Variants in ABCD3 observed in about 807,000 individuals in gnomAD.
ABCD3 encodes ATP-binding cassette sub-family D member 3.
In ABCD3, 41 loss-of-function variants were observed where a neutral mutation model predicts 105.5. That is an observed-to-expected ratio of 0.39 (90% CI 0.30 to 0.50). ABCD3 has a LOEUF of 0.50. Ranked by LOEUF, ABCD3 falls within the 20% of genes least tolerant of loss-of-function variation. ABCD3 has a pLI of 0.84. For synonymous variants in ABCD3, 258 were observed against 269.0 expected, an observed-to-expected ratio of 0.96 and a Z score of 0.40; for missense variants, 622 against 806.3, an observed-to-expected ratio of 0.77 and a Z score of 2.77.
chr1:94,472,607 C>T (rs1025644553), intron 4 of ABCD3, among the ~76,000 whole-genome samples: 1 of 152,120 alleles, frequency 6.6e-6, no homozygotes, highest in African/African-American at 2.4e-5. Flanking sequence ...AAACCCCTCT[C>T]AGAGAGTTAA....
chr1:94,484,341 CGTTTATT>C (rs1455221029), intron 10 of ABCD3, among the ~76,000 whole-genome samples: 1 of 152,142 alleles, frequency 6.6e-6, no homozygotes, highest in Non-Finnish European at 1.5e-5. Context: ...TGCACACATA[CGTTTATT>C]GTGGCACTAT....
At chr1:94,446,117 T>A (rs892696290) in intron 1 of ABCD3, among the ~76,000 whole-genome samples, 2 of 152,324 alleles carry the variant, frequency 1.3e-5, no homozygotes, top group South Asian at 4.1e-4. Context: ...CTGAAATATG[T>A]CCAAAATGTG....
chr1:94,412,757 G>A, the ABCD3 span, among the ~76,000 whole-genome samples: 1 of 152,302 alleles, frequency 6.6e-6, no homozygotes, highest in South Asian at 2.1e-4. Flanking sequence ...AAAAATTACA[G>A]TGTTACCACA....
the ABCD3 span, among the ~76,000 whole-genome samples, chr1:94,407,118 C>T: frequency 2.2e-4 from 33 of 152,034 alleles, no homozygotes; most frequent in African/African-American, 7.7e-4. Context: ...TTAGGGAGAA[C>T]TGACATACTG....
At chr1:94,486,624 G>A (rs1463367368) in intron 10 of ABCD3, among the ~76,000 whole-genome samples, 2 of 152,148 alleles carry the variant, frequency 1.3e-5, no homozygotes, top group Admixed American at 6.5e-5. Flanking sequence ...GAATTCGGTG[G>A]CCAAAAATGA....
intron 10 of ABCD3, 58 bp downstream of exon 10, chr1:94,483,297 G>C (rs1241632284): frequency 3.7e-6 from 5 of 1,352,448 alleles, no homozygotes; most frequent in Non-Finnish European, 5.3e-6. Context: ...TTGTTTGTTT[G>C]TTTTGCCTAT....
chr1:94,497,624 GA>G (rs1649885573), intron 16 of ABCD3, among the ~76,000 whole-genome samples: 1 of 152,166 alleles, frequency 6.6e-6, no homozygotes, highest in African/African-American at 2.4e-5. Flanking sequence ...ATAATTTAGT[GA>G]CACTTGTATA....
intron 1 of ABCD3, chr1:94,432,609 A>G (rs1237708999): frequency 6.6e-6 from 1 of 152,082 alleles, no homozygotes; most frequent in African/African-American, 2.4e-5. Flanking sequence ...TAAAAATGGT[A>G]TCTAATTATG....
At chr1:94,510,571 A>T (rs1380312091) in intron 21 of ABCD3, among the ~76,000 whole-genome samples, 7 of 151,936 alleles carry the variant, frequency 4.6e-5, no homozygotes, top group Non-Finnish European at 1.0e-4. Flanking sequence ...TGTTGATCTG[A>T]CTAATGTTGA....
Position 94,506,533 on chromosome 1 carries a change from T to C in ABCD3, c.1741-5T>C, listed in dbSNP as rs760267175. 1 of 1,609,508 alleles carries C rather than the reference T, an allele frequency of 6.2e-7. No individual in the cohort carries two copies. The highest frequency in any genetic ancestry group is 8.5e-7 in the Non-Finnish European group (1 of 1,176,550). On this transcript the variant is annotated splice_polypyrimidine_tract_variant and splice_region_variant and intron_variant, in intron 20 of 22. Coordinates refer to ENST00000370214, the MANE Select transcript of ABCD3 (RefSeq NM_002858.4). ...TTTACACAAAAAATTTTTTTTATGC[T>C]TCAGATGGCAAGATTATTTTATCAT...
At chr1:94,492,696 T>G (rs1332214168) in intron 16 of ABCD3, among the ~76,000 whole-genome samples, 1 of 151,934 alleles carries the variant, frequency 6.6e-6, no homozygotes, top group African/African-American at 2.4e-5. Context: ...GAGACTTCGT[T>G]GAAGAATGCC....
At chr1:94,404,059 C>T in the ABCD3 span, among the ~76,000 whole-genome samples, 4 of 152,182 alleles carry the variant, frequency 2.6e-5, no homozygotes, top group African/African-American at 9.6e-5. Context: ...ATACACATAC[C>T]ACATACATAT....
Position 94,502,153 on chromosome 1 carries a change from C to T in ABCD3, c.1740+2539C>T, listed in dbSNP as rs78962425. 3.4e-3 allele frequency among the ~76,000 whole-genome samples: 524 copies of T among 152,332 alleles called. 3 individuals carry two copies. Among genetic ancestry groups the T allele is most frequent in the African/African-American group, 0.012 (485 of 41,580 alleles). On this transcript the variant is annotated intron_variant, in intron 20 of 22. Coordinates refer to ENST00000370214, the MANE Select transcript of ABCD3 (RefSeq NM_002858.4). ...CCCAGCCCAGTTATTTGCCTTGGCA[C>T]TTCTCTAACCGCTCTTCTGAGCACA...
chr1:94,501,138 G>A (rs1458692070), intron 20 of ABCD3, among the ~76,000 whole-genome samples: 1 of 151,892 alleles, frequency 6.6e-6, no homozygotes, highest in African/African-American at 2.4e-5. Context: ...GAATTCAAAG[G>A]CGTGCCCAGA....
At chr1:94,393,966 A>G in the ABCD3 span, among the ~76,000 whole-genome samples, 1 of 152,206 alleles carries the variant, frequency 6.6e-6, no homozygotes, top group Non-Finnish European at 1.5e-5. Context: ...ACTTGCTTAC[A>G]GGATCAGAGA....
In ABCD3 at chr1:94,426,848, ATTTTTTTT is replaced by A. The variant is rs67942477; in HGVS notation, c.110+8276_110+8283del. On this transcript the variant is annotated intron_variant, in intron 1 of 22. Coordinates refer to ENST00000370214, the MANE Select transcript of ABCD3 (RefSeq NM_002858.4). ...GTGAGAGCTACCGCGCCCAGCCTGAATTTTTTTTTTTTTTTTTTTTTTTAAACCTGGGT... is the reference window on the plus strand; with the variant it reads ...GTGAGAGCTACCGCGCCCAGCCTGAATTTTTTTTTTTTTTTAAACCTGGGT... Among the ~76,000 whole-genome samples the A allele has an allele frequency of 6.1e-5, 8 of 131,620 alleles. 1 individual carries two copies. The highest frequency in any genetic ancestry group is 3.8e-4 in the Admixed American group (5 of 13,224). 86.3% of individuals were successfully genotyped at this position (131,620 alleles called of 152,430 possible). A position where few individuals can be genotyped will look rare whatever the true frequency, so the allele number is the denominator to read the frequency against.
chr1:94,511,029 T>C (rs925939092), intron 21 of ABCD3, among the ~76,000 whole-genome samples: 8 of 152,164 alleles, frequency 5.3e-5, no homozygotes, highest in Admixed American at 1.3e-4. Context: ...TTTGATCCTG[T>C]CATTATGATG....
At chr1:94,483,860 T>C (rs1649150818) in intron 10 of ABCD3, among the ~76,000 whole-genome samples, 1 of 152,106 alleles carries the variant, frequency 6.6e-6, no homozygotes, top group African/African-American at 2.4e-5. Context: ...ACAGGCAACC[T>C]ACAGAATGGG....
At chr1:94,431,659 C>G (rs936684046) in intron 1 of ABCD3, among the ~76,000 whole-genome samples, 1 of 152,094 alleles carries the variant, frequency 6.6e-6, no homozygotes, top group South Asian at 2.1e-4. Context: ...TTCCTGGGCT[C>G]AATTGATCCT....
Sources: allele counts gnomAD v4.1 joint callset (sites outside exome capture counted in the v4.1 genomes callset), GRCh38; gene constraint gnomAD v4.1.1; transcripts MANE v1.5; gene names NCBI Gene and HGNC (gene_info 2026-07-23, HGNC 2026-07-21).